Variants in SCHIP1 observed in about 807,000 individuals in gnomAD.
SCHIP1 encodes the protein schwannomin-interacting protein 1.
SCHIP1 carries 8 observed loss-of-function variants against 29.7 expected under a neutral mutation model. The observed-to-expected ratio is 0.27, with a 90% CI of 0.16 to 0.49. The LOEUF is 0.49. Ranked by LOEUF, SCHIP1 falls within the 20% of genes least tolerant of loss-of-function variation. SCHIP1 has a pLI of 0.99. For synonymous variants in SCHIP1, 76 were observed against 94.9 expected, an observed-to-expected ratio of 0.80 and a Z score of 1.16; for missense variants, 193 against 294.6, an observed-to-expected ratio of 0.66 and a Z score of 2.52.
chr3:159,731,754 G>C, the SCHIP1 span, among the ~76,000 whole-genome samples: 1 of 152,198 alleles, frequency 6.6e-6, no homozygotes, highest in Non-Finnish European at 1.5e-5. Flanking sequence ...TCATATAATT[G>C]AGGAAGACTT....
At chr3:159,284,147 A>G in the SCHIP1 span, among the ~76,000 whole-genome samples, 1 of 152,184 alleles carries the variant, frequency 6.6e-6, no homozygotes, top group Non-Finnish European at 1.5e-5. Context: ...TTTGAAAAAA[A>G]TTCTTGATAA....
chr3:159,516,691 A>G, the SCHIP1 span, among the ~76,000 whole-genome samples: 1 of 152,084 alleles, frequency 6.6e-6, no homozygotes, highest in African/African-American at 2.4e-5. Context: ...CACCCTCTAC[A>G]GTCTGACACG....
chr3:159,550,072 T>C, the SCHIP1 span, among the ~76,000 whole-genome samples: 3 of 150,176 alleles, frequency 2.0e-5, no homozygotes, highest in South Asian at 6.4e-4. Context: ...TCTTAAGATA[T>C]CTTAAGAAAA....
chr3:159,737,890 G>A, the SCHIP1 span, among the ~76,000 whole-genome samples: 1 of 152,190 alleles, frequency 6.6e-6, no homozygotes, highest in Non-Finnish European at 1.5e-5. Context: ...CGGGAGTGGA[G>A]AGCGGCAATG....
the SCHIP1 span, among the ~76,000 whole-genome samples, chr3:159,570,014 T>C: frequency 3.9e-5 from 6 of 152,324 alleles, no homozygotes; most frequent in African/African-American, 1.4e-4. Flanking sequence ...TTGGATGGGT[T>C]TTGAGTTCTT....
At chr3:159,408,702 A>C in the SCHIP1 span, among the ~76,000 whole-genome samples, 1 of 152,194 alleles carries the variant, frequency 6.6e-6, no homozygotes, top group African/African-American at 2.4e-5. Flanking sequence ...GACTTTTACC[A>C]AATATTTAAA....
chr3:159,300,112 G>GTTT, the SCHIP1 span, among the ~76,000 whole-genome samples: 1 of 47,634 alleles, frequency 2.1e-5, no homozygotes, highest in African/African-American at 7.4e-5. Context: ...AGGGAAAGCT[G>GTTT]CTTTTTTTTT....
At chr3:159,740,761 C>CAAAAAAAAACAAAAAAAAAAAA in the SCHIP1 span, among the ~76,000 whole-genome samples, 1 of 14,344 alleles carries the variant, frequency 7.0e-5, no homozygotes, top group East Asian at 1.5e-3. Context: ...ATTGTATATT[C>CAAAAAAAAACAAAAAAAAAAAA]AAAAAAAAAG....
the SCHIP1 span, among the ~76,000 whole-genome samples, chr3:159,335,060 T>G: frequency 1.3e-5 from 2 of 151,950 alleles, no homozygotes; most frequent in Admixed American, 6.6e-5. Flanking sequence ...CCACCACACC[T>G]GGCTAATTTT....
the SCHIP1 span, among the ~76,000 whole-genome samples, chr3:159,378,811 A>G: frequency 6.6e-6 from 1 of 152,230 alleles, no homozygotes; most frequent in Non-Finnish European, 1.5e-5. Flanking sequence ...CACTGTGGCA[A>G]TTAATAATGC....
At chr3:159,896,788 A>G (rs780871585) in exon 7 of SCHIP1, 1 of 1,601,974 alleles carries the variant, frequency 6.2e-7, no homozygotes, top group Non-Finnish European at 8.5e-7. Context: ...GAAGCCATTC[A>G]ACCAGAGAAC....
the SCHIP1 span, among the ~76,000 whole-genome samples, chr3:159,737,043 A>G: frequency 6.6e-6 from 1 of 152,166 alleles, no homozygotes; most frequent in Non-Finnish European, 1.5e-5. Flanking sequence ...CAAAGACCAC[A>G]TTCTTTTAGT....
the SCHIP1 span, among the ~76,000 whole-genome samples, chr3:159,828,043 A>T: frequency 6.6e-6 from 1 of 151,772 alleles, no homozygotes; most frequent in East Asian, 1.9e-4. Context: ...GACTCACCCA[A>T]TGCTATATAT....
At chr3:159,436,088 A>T in the SCHIP1 span, among the ~76,000 whole-genome samples, 1 of 152,258 alleles carries the variant, frequency 6.6e-6, no homozygotes, top group Non-Finnish European at 1.5e-5. Flanking sequence ...GCTGCTGAAA[A>T]TGCTCTACAG....
chr3:159,308,664 A>G, the SCHIP1 span, among the ~76,000 whole-genome samples: 2 of 152,234 alleles, frequency 1.3e-5, no homozygotes, highest in South Asian at 4.1e-4. Flanking sequence ...ATCACTGGGT[A>G]TATACCCAAA....
At chr3:159,740,292 C>T in the SCHIP1 span, among the ~76,000 whole-genome samples, 1 of 152,200 alleles carries the variant, frequency 6.6e-6, no homozygotes, top group Non-Finnish European at 1.5e-5. Context: ...GCCATACCCA[C>T]ACTGGTGAAT....
At chr3:159,570,557 A>T in the SCHIP1 span, among the ~76,000 whole-genome samples, 3 of 152,240 alleles carry the variant, frequency 2.0e-5, no homozygotes, top group South Asian at 6.2e-4. Flanking sequence ...GCCTTGTAGT[A>T]TAGTTTGAAG....
chr3:159,664,427 A>G, the SCHIP1 span, among the ~76,000 whole-genome samples: 1 of 152,020 alleles, frequency 6.6e-6, no homozygotes, highest in East Asian at 1.9e-4. Context: ...GTATTAAAAC[A>G]TCTCAAGTGT....
chr3:159,722,045 AT>A, the SCHIP1 span: 58,709 of 365,600 alleles, frequency 0.16, 5,352 homozygotes, highest in African/African-American at 0.24. Flanking sequence ...TTATGTCTGC[AT>A]TCTCATCCCT....
Sources: allele counts gnomAD v4.1 joint callset (sites outside exome capture counted in the v4.1 genomes callset), GRCh38; gene constraint gnomAD v4.1.1; transcripts MANE v1.5; gene names NCBI Gene and HGNC (gene_info 2026-07-23, HGNC 2026-07-21).